ST8SIA5: variants seen among roughly 807,000 people sequenced by gnomAD.
The protein encoded by ST8SIA5 is ST8 alpha-N-acetyl-neuraminide alpha-2,8-sialyltransferase 5.
A neutral mutation model predicts 40.2 loss-of-function variants in ST8SIA5; 24 were observed. That is an observed-to-expected ratio of 0.60 (90% confidence interval 0.43 to 0.84). ST8SIA5 has a LOEUF of 0.84. Among genes scored for constraint, ST8SIA5 ranks in the 40% least tolerant of loss-of-function variants. ST8SIA5 has a pLI of 0.00. For missense variants in ST8SIA5, 465 were observed against 498.5 expected, an observed-to-expected ratio of 0.93 and a Z score of 0.64; for synonymous variants, 198 against 201.8, an observed-to-expected ratio of 0.98 and a Z score of 0.16.
Position 46,680,153 on chromosome 18 carries a change from G to C in ST8SIA5, c.1020C>G (p.Asn340Lys). The C allele has an allele frequency of 1.2e-6, 2 of 1,614,234 alleles. No homozygotes were observed. Among genetic ancestry groups the C allele is most frequent in the Non-Finnish European group, 1.7e-6 (2 of 1,180,052 alleles). ...GLYITHHYYD[N>K]VKPRPGFHAM... Reference sequence around the variant, plus strand: ...CGTGGAAGCCGGGACGCGGCTTGACGTTGTCATAGTAGTGGTGAGTGATGT... The same window carrying C: ...CGTGGAAGCCGGGACGCGGCTTGACCTTGTCATAGTAGTGGTGAGTGATGT... Residue 340 changes from asparagine (N) to lysine (K), a missense_variant, in exon 7 of 7, where the codon AAC (asparagine) becomes AAG (lysine). Coordinates refer to ENST00000315087, the MANE Select transcript of ST8SIA5 (RefSeq NM_013305.6).
chr18:46,740,680 A>G (rs2040079194), intron 1 of ST8SIA5, among the ~76,000 whole-genome samples: 1 of 152,220 alleles, frequency 6.6e-6, no homozygotes, highest in Admixed American at 6.5e-5. Flanking sequence ...AGAAATTAGA[A>G]AATAATTGGA....
rs1247293486 is a variant in ST8SIA5 at position 46,679,091 on chromosome 18, T to C, written c.*951A>G. ...CTATGGTTCCGACTGAGGAACACGA[T>C]ACAGCAGGATTCTGCAGGATTCAGA... On this transcript the variant is annotated 3_prime_UTR_variant, in exon 7 of 7. Transcript: ENST00000315087. 6.6e-6 allele frequency: 1 copy of C among 152,232 alleles called. No homozygotes were observed. The highest frequency in any genetic ancestry group is 2.4e-5 in the African/African-American group (1 of 41,452). 9.4% of individuals were successfully genotyped at this position (152,232 alleles called of 1,614,324 possible). A position where few individuals can be genotyped will look rare whatever the true frequency, so the allele number is the denominator to read the frequency against.
rs1257879454 is a variant in ST8SIA5 at position 46,688,936 on chromosome 18, C to A, written c.312-17G>T. The A allele has an allele frequency of 6.2e-7, 1 of 1,603,260 alleles. No individual in the cohort carries two copies. The highest frequency in any genetic ancestry group is 8.5e-7 in the Non-Finnish European group (1 of 1,175,328). Reference sequence around the variant, plus strand: ...AGAGTAGACCTGCCAGGCAGGGAGACAGGCAGGAAAGACGTGATGCAGGAA... The same window carrying A: ...AGAGTAGACCTGCCAGGCAGGGAGAAAGGCAGGAAAGACGTGATGCAGGAA... On this transcript the variant is annotated splice_polypyrimidine_tract_variant and intron_variant, in intron 3 of 6. Coordinates refer to ENST00000315087, the MANE Select transcript of ST8SIA5 (RefSeq NM_013305.6).
chr18:46,699,567 G>T (rs648584), intron 2 of ST8SIA5, among the ~76,000 whole-genome samples: 10,284 of 152,116 alleles, frequency 0.068, 828 homozygotes, highest in East Asian at 0.37. Flanking sequence ...ATTCAGTAGA[G>T]ACGGGGTTTC....
chr18:46,716,845 G>A (rs911673496), intron 1 of ST8SIA5, among the ~76,000 whole-genome samples: 5 of 152,256 alleles, frequency 3.3e-5, no homozygotes, highest in African/African-American at 1.2e-4. Context: ...AGTTAAAGGT[G>A]ATTCGGTTGG....
chr18:46,729,199 C>A (rs1249208723), intron 1 of ST8SIA5, among the ~76,000 whole-genome samples: 1 of 152,302 alleles, frequency 6.6e-6, no homozygotes, highest in African/African-American at 2.4e-5. Flanking sequence ...ACTCTCCAAC[C>A]CCCTACACCT....
chr18:46,732,334 C>A (rs193168599), intron 1 of ST8SIA5, among the ~76,000 whole-genome samples: 3 of 152,358 alleles, frequency 2.0e-5, no homozygotes, highest in African/African-American at 7.2e-5. Context: ...GCCTGGAACC[C>A]AGGAGTCCTG....
rs890609829 is a variant in ST8SIA5 at position 46,678,129 on chromosome 18, TG to T, written c.*1912del. 6.6e-6 allele frequency: 1 copy of T among 152,242 alleles called. No individual in the cohort carries two copies. The highest frequency in any genetic ancestry group is 2.4e-5 in the African/African-American group (1 of 41,458). 9.4% of individuals were successfully genotyped at this position (152,242 alleles called of 1,614,324 possible). Reference sequence around the variant, plus strand: ...ATCCACTGTCCTTTGCAGTTCTTCCTGGTTTAGCAGGTGTTTGGGATCATTT... The same window carrying T: ...ATCCACTGTCCTTTGCAGTTCTTCCTGTTTAGCAGGTGTTTGGGATCATTT... On this transcript the variant is annotated 3_prime_UTR_variant, in exon 7 of 7. Coordinates refer to ENST00000315087, the MANE Select transcript of ST8SIA5 (RefSeq NM_013305.6).
intron 2 of ST8SIA5, among the ~76,000 whole-genome samples, chr18:46,698,455 T>G (rs1466322929): frequency 1.6e-5 from 2 of 125,772 alleles, no homozygotes; most frequent in South Asian, 5.1e-4. Context: ...AAACCAACGA[T>G]CCAACAACCC....
intron 1 of ST8SIA5, among the ~76,000 whole-genome samples, chr18:46,747,812 G>T (rs1435967418): frequency 1.3e-5 from 2 of 152,186 alleles, no homozygotes; most frequent in Non-Finnish European, 2.9e-5. Flanking sequence ...CAAAGACTTG[G>T]AACCAACCCA....
At position 46,704,604 on chromosome 18, in the gene ST8SIA5, C is replaced by A; in HGVS notation, c.192G>T (p.Arg64Ser). The A allele has an allele frequency of 6.2e-7, 1 of 1,614,064 alleles. No individual in the cohort carries two copies. The highest frequency in any genetic ancestry group is 8.5e-7 in the Non-Finnish European group (1 of 1,180,024). ...GCACCTTCACTTCCAATATTTCGTG[C>A]CTCAGCTCCAGGCATCTTGTGGAGT... ...EYNSTRCLEL[R>S]HEILEVKVLS... Residue 64 changes from arginine to serine, a missense_variant, in exon 2 of 7, where the codon AGG (arginine) becomes AGT (serine). Coordinates refer to ENST00000315087, the MANE Select transcript of ST8SIA5 (RefSeq NM_013305.6).
Position 46,721,323 on chromosome 18 carries a change from A to T in ST8SIA5, c.132-16659T>A, listed in dbSNP as rs1248392096. ...GGGGCTGCAGGGCCACCCCGGGTTG[A>T]GCTTCCCCCACTCCCTGGCCTTTTG... is the stretch of plus-strand genomic sequence containing the variant. On this transcript the variant is annotated intron_variant, in intron 1 of 6. Transcript: ENST00000315087. The T allele has an allele frequency of 2.6e-6, 4 of 1,526,310 alleles. No individual in the cohort carries two copies. The Admixed American group carries it at 7.9e-5, about 30-fold the overall frequency. 94.5% of individuals were successfully genotyped at this position (1,526,310 alleles called of 1,614,324 possible). A position where few individuals can be genotyped will look rare whatever the true frequency, so the allele number is the denominator to read the frequency against.
At chr18:46,711,461 C>G (rs1033860832) in intron 1 of ST8SIA5, among the ~76,000 whole-genome samples, 5 of 152,180 alleles carry the variant, frequency 3.3e-5, no homozygotes, top group Admixed American at 3.3e-4. Flanking sequence ...AGCCCGGAAC[C>G]CCTGCTCTTA....
chr18:46,740,207 T>C (rs1341240387), intron 1 of ST8SIA5, among the ~76,000 whole-genome samples: 1 of 152,190 alleles, frequency 6.6e-6, no homozygotes, highest in African/African-American at 2.4e-5. Context: ...AAAGAAGTAG[T>C]AGATGCATTC....
chr18:46,670,361 A>C lies in ST8SIA5; in HGVS notation c.*9681T>G, dbSNP rs1292632770. On this transcript the variant is annotated 3_prime_UTR_variant, in exon 7 of 7. Coordinates refer to ENST00000315087, the MANE Select transcript of ST8SIA5 (RefSeq NM_013305.6). ...ATGCTGTGTTGCTCCCGGGGTTATT[A>C]TAACATATTCTCCCTCTCTTCCCCA... 1.3e-5 allele frequency: 2 copies of C among 152,196 alleles called. No homozygotes were observed. The highest frequency in any genetic ancestry group is 4.8e-5 in the African/African-American group (2 of 41,442). 9.4% of individuals were successfully genotyped at this position (152,196 alleles called of 1,614,324 possible). A position where few individuals can be genotyped will look rare whatever the true frequency, so the allele number is the denominator to read the frequency against.
At chr18:46,692,409 C>CTTT (rs370306455) in intron 2 of ST8SIA5, among the ~76,000 whole-genome samples, 154 bp from the exon 3 acceptor site, 4 of 145,326 alleles carry the variant, frequency 2.8e-5, no homozygotes, top group East Asian at 2.0e-4. Flanking sequence ...TTCTTTGTTT[C>CTTT]TTTTTTTTTT....
At chr18:46,692,935 C>G (rs1335662257) in intron 2 of ST8SIA5, among the ~76,000 whole-genome samples, 2 of 146,932 alleles carry the variant, frequency 1.4e-5, no homozygotes, top group Non-Finnish European at 3.0e-5. Flanking sequence ...GCCTCAGAGC[C>G]TGCCAGAATT....
chr18:46,683,705 T>G (rs1049890454), intron 5 of ST8SIA5, among the ~76,000 whole-genome samples: 1 of 151,682 alleles, frequency 6.6e-6, no homozygotes, highest in Non-Finnish European at 1.5e-5. Flanking sequence ...CAGACCACTA[T>G]GAAAGGCAGG....
intron 1 of ST8SIA5, chr18:46,721,593 G>A (rs2039864270): frequency 6.5e-6 from 5 of 774,206 alleles, no homozygotes; most frequent in Admixed American, 6.2e-5. Flanking sequence ...ATTAAAGGAG[G>A]CGATGGTACT....
Sources: allele counts gnomAD v4.1 joint callset (sites outside exome capture counted in the v4.1 genomes callset), GRCh38; gene constraint gnomAD v4.1.1; transcripts MANE v1.5; gene names NCBI Gene and HGNC (gene_info 2026-07-23, HGNC 2026-07-21).